TMCC2: variants seen among roughly 807,000 people sequenced by gnomAD.
TMCC2 encodes the protein transmembrane and coiled-coil domain family 2.
Under a neutral mutation model 49.4 loss-of-function variants are expected in TMCC2, and 16 were observed. That is an observed-to-expected ratio of 0.32 (90% CI 0.22 to 0.49). The LOEUF (loss-of-function observed/expected upper bound fraction) is 0.49. Ranked by LOEUF, TMCC2 falls within the 20% of genes least tolerant of loss-of-function variation. The pLI is 0.99. For synonymous variants in TMCC2, 397 were observed against 434.1 expected, an observed-to-expected ratio of 0.91 and a Z score of 1.06; for missense variants, 762 against 989.8, an observed-to-expected ratio of 0.77 and a Z score of 3.09.
intron 2 of TMCC2, among the ~76,000 whole-genome samples, chr1:205,249,498 T>C (rs950066775): frequency 2.0e-5 from 3 of 152,166 alleles, no homozygotes; most frequent in Non-Finnish European, 4.4e-5. Flanking sequence ...TTTCCAAACA[T>C]GACCGCTCAG....
At chr1:205,230,091 A>G (rs1264301604) in intron 1 of TMCC2, 2 of 985,402 alleles carry the variant, frequency 2.0e-6, no homozygotes, top group Non-Finnish European at 2.4e-6. Flanking sequence ...GGCAGCAGCC[A>G]CTAAGGAGCT....
intron 2 of TMCC2, among the ~76,000 whole-genome samples, chr1:205,263,319 C>T (rs1151784): frequency 0.25 from 37,692 of 151,956 alleles, 6,191 homozygotes; most frequent in Non-Finnish European, 0.36. Flanking sequence ...AGGATTTGCA[C>T]GCCCTCAGAT....
chr1:205,268,236 A>G (rs1245552771), intron 2 of TMCC2, among the ~76,000 whole-genome samples: 1 of 152,078 alleles, frequency 6.6e-6, no homozygotes, highest in Non-Finnish European at 1.5e-5. Context: ...CCAGAGAGAA[A>G]ATTTGTCTCA....
chr1:205,228,515 C>A lies in TMCC2; in HGVS notation c.-50C>A. The stretch of plus-strand genomic sequence containing the variant: ...ATATAAGAGGGGGTGCGGTCTTCCC[C>A]AAGACGGCGCGCTGGAAGGACAGAT... On this transcript the variant is annotated 5_prime_UTR_variant, in exon 1 of 5. Coordinates refer to ENST00000358024, the MANE Select transcript of TMCC2 (RefSeq NM_014858.4). The A allele has an allele frequency of 6.5e-7, 1 of 1,544,108 alleles. No individual in the cohort carries two copies. Among genetic ancestry groups the A allele is most frequent in the Non-Finnish European group, 8.8e-7 (1 of 1,135,544 alleles).
At chr1:205,239,550 G>A (rs1490205325) in intron 1 of TMCC2, among the ~76,000 whole-genome samples, 2 of 152,164 alleles carry the variant, frequency 1.3e-5, no homozygotes, top group Non-Finnish European at 2.9e-5. Context: ...AAGGAATCAT[G>A]GTAGCCTTAA....
chr1:205,229,581 A>AGGGGGGGGGGGG lies in TMCC2; in HGVS notation c.207+812_207+813insGGGGGGGGGGGG, dbSNP rs1659711192. The AGGGGGGGGGGGG allele has an allele frequency of 5.2e-6, 4 of 771,886 alleles. No individual in the cohort carries two copies. The African/African-American group carries it at 9.8e-5, about 19-fold the overall frequency. The allele number at this position is 771,886 out of a possible 1,614,324, so 47.8% of individuals were successfully genotyped here. On this transcript the variant is annotated intron_variant, in intron 1 of 4. Coordinates refer to ENST00000358024, the MANE Select transcript of TMCC2 (RefSeq NM_014858.4). ...GGGTGGTGGCGGGGGCGGGGGGGGA[A>AGGGGGGGGGGGG]GGTGGATTTCCTGCCGTTAGGTGGA...
At chr1:205,248,808 C>G (rs886105734) in intron 2 of TMCC2, among the ~76,000 whole-genome samples, 1 of 152,052 alleles carries the variant, frequency 6.6e-6, no homozygotes, top group Non-Finnish European at 1.5e-5. Context: ...CCTGGTTAGG[C>G]ATCAATCCCT....
At chr1:205,257,153 A>C in intron 2 of TMCC2, 1 of 1,232,664 alleles carries the variant, frequency 8.1e-7, no homozygotes, top group South Asian at 4.1e-5. Flanking sequence ...GGGAGGGGGA[A>C]ATCTCCTAGA....
intron 2 of TMCC2, among the ~76,000 whole-genome samples, chr1:205,263,049 CAG>C (rs970383770): frequency 7.2e-5 from 11 of 152,220 alleles, no homozygotes; most frequent in African/African-American, 2.4e-4. Flanking sequence ...GTATCTCCCA[CAG>C]AGTGTTCCCT....
chr1:205,246,556 T>C (rs1035469633), intron 2 of TMCC2: 3 of 1,545,918 alleles, frequency 1.9e-6, no homozygotes, highest in African/African-American at 2.7e-5. Context: ...TGAGGAGCTC[T>C]GCACGCGTTG....
chr1:205,256,471 A>C, intron 2 of TMCC2: 1 of 1,519,266 alleles, frequency 6.6e-7, no homozygotes, highest in Non-Finnish European at 8.9e-7. Flanking sequence ...CAATGCTGGC[A>C]GAGACTGGGA....
intron 2 of TMCC2, among the ~76,000 whole-genome samples, chr1:205,266,610 TAAAAA>T (rs61698539): frequency 4.6e-5 from 6 of 131,608 alleles, no homozygotes; most frequent in African/African-American, 1.4e-4. Flanking sequence ...AAAAAACAAA[TAAAAA>T]AAAAAAAACC....
chr1:205,246,172 G>A, intron 2 of TMCC2, among the ~76,000 whole-genome samples: 1 of 151,918 alleles, frequency 6.6e-6, no homozygotes, highest in Non-Finnish European at 1.5e-5. Flanking sequence ...ATTCTATGTG[G>A]GCATGACAGA....
chr1:205,256,373 C>T, intron 2 of TMCC2: 1 of 1,551,060 alleles, frequency 6.4e-7, no homozygotes, highest in Non-Finnish European at 8.7e-7. Context: ...ACAGAATTTC[C>T]TGCTGGCACT....
chr1:205,272,218 C>T lies in TMCC2; in HGVS notation c.*94C>T. 1 of 1,513,976 alleles carries T rather than the reference C, an allele frequency of 6.6e-7. No individual in the cohort carries two copies. Among genetic ancestry groups the T allele is most frequent in the Non-Finnish European group, 8.8e-7 (1 of 1,131,196 alleles). 93.8% of individuals were successfully genotyped at this position (1,513,976 alleles called of 1,614,324 possible). ...GGACTTCTTTGTGTGTCCAGTTTGG[C>T]CTCCTGCCCAAACTGTCCATTCCAG... On this transcript the variant is annotated 3_prime_UTR_variant, in exon 5 of 5. Transcript: ENST00000358024.
At chr1:205,246,825 ACCT>A (rs1660471980) in intron 2 of TMCC2, 1 of 875,546 alleles carries the variant, frequency 1.1e-6, no homozygotes, top group Admixed American at 2.3e-5. Context: ...TCCCATGAAG[ACCT>A]CCTGAGCAGG....
chr1:205,272,012 A>C lies in TMCC2; in HGVS notation c.2018A>C (p.Lys673Thr). Residue 673 changes from lysine (K) to threonine (T), a missense_variant, in exon 5 of 5, where the codon AAG becomes ACG. By Grantham distance (78) the Lys-to-Thr change is moderately conservative. Transcript: ENST00000358024. ...GCCAACTTCATCACGCCCCTCATGA[A>C]GACACGCCTGCGCATCACCAGCACC... is the stretch of plus-strand genomic sequence containing the variant. ...TIANFITPLM[K>T]TRLRITSTTL... The C allele has an allele frequency of 1.2e-6, 2 of 1,614,134 alleles. No homozygotes were observed. Among genetic ancestry groups the C allele is most frequent in the Non-Finnish European group, 1.7e-6 (2 of 1,180,024 alleles).
Position 205,229,549 on chromosome 1 carries a change from G to GT in TMCC2, c.207+778_207+779insT, listed in dbSNP as rs964439998. On this transcript the variant is annotated intron_variant, in intron 1 of 4. Transcript: ENST00000358024. ...GTTTGCCGATCTGTGAAGGGGCGGG[G>GT]GGGGGGGGGTGGTGGCGGGGGCGGG... The GT allele has an allele frequency of 6.4e-6, 4 of 629,358 alleles. No homozygotes were observed. In the African/African-American group the frequency reaches 7.4e-5, roughly 12 times the overall value. The allele number at this position is 629,358 out of a possible 1,614,324, so 39.0% of individuals were successfully genotyped here.
intron 4 of TMCC2, 87 bp downstream of exon 4, chr1:205,271,342 A>G (rs1320316024): frequency 6.2e-7 from 1 of 1,605,014 alleles, no homozygotes; most frequent in African/African-American, 1.3e-5. Flanking sequence ...CACGTGGGGC[A>G]TGATAGACAC....
Sources: gnomAD v4.1 joint callset for allele counts (sites outside exome capture counted in the v4.1 genomes callset) on GRCh38, gnomAD v4.1.1 for gene constraint, MANE v1.5 for transcripts, NCBI Gene and HGNC (gene_info 2026-07-23, HGNC 2026-07-21) for gene names.